PPHLN1: variants seen among roughly 807,000 people sequenced by gnomAD.
PPHLN1 encodes the protein periphilin-1.
A neutral mutation model predicts 51.3 loss-of-function variants in PPHLN1; 29 were observed. The observed-to-expected ratio is 0.57, with a 90% CI of 0.42 to 0.77. PPHLN1 has a LOEUF of 0.77. PPHLN1 is among the 30% of genes least tolerant of loss of function. The pLI is 0.00. For synonymous variants in PPHLN1, 147 were observed against 147.8 expected, an observed-to-expected ratio of 0.99 and a Z score of 0.04; for missense variants, 436 against 438.4, an observed-to-expected ratio of 0.99 and a Z score of 0.05.
intron 9 of PPHLN1, chr12:42,431,967 A>G: frequency 6.8e-7 from 1 of 1,478,314 alleles, no homozygotes; most frequent in Non-Finnish European, 9.5e-7. Context: ...TGCTGGCATC[A>G]GTGTCTGCAG....
downstream of PPHLN1, chr12:42,445,997 G>A (rs180895349): frequency 3.5e-4 from 534 of 1,521,366 alleles, 1 homozygote; most frequent in African/African-American, 6.0e-3. Flanking sequence ...CCAGCACGAC[G>A]CATCAAACCA....
At position 42,330,788 on chromosome 12, in the gene PPHLN1, C is replaced by A. The variant is rs1012897038; in HGVS notation, c.-21+4559C>A. Among the ~76,000 whole-genome samples the A allele has an allele frequency of 2.0e-5, 3 of 152,176 alleles. No individual in the cohort carries two copies. The East Asian group carries it at 5.8e-4, about 29-fold the overall frequency. ...GCAGTGGTGCAATCTTGGCTCGCTG[C>A]AACCTTCGCCTCTCGGGTTCAAGCG... On this transcript the variant is annotated intron_variant, in intron 1 of 9. Transcript: ENST00000358314.
intron 9 of PPHLN1, among the ~76,000 whole-genome samples, chr12:42,437,690 A>G (rs528178139): frequency 5.4e-4 from 83 of 152,312 alleles, no homozygotes; most frequent in African/African-American, 1.8e-3. Context: ...AATATTAACT[A>G]AAGTCCATAG....
At chr12:42,373,385 T>C (rs2075975874) in intron 4 of PPHLN1, among the ~76,000 whole-genome samples, 2 of 152,230 alleles carry the variant, frequency 1.3e-5, no homozygotes, top group Non-Finnish European at 2.9e-5. Flanking sequence ...TTTTCTGCTT[T>C]TTCCCAGGGA....
intron 9 of PPHLN1, among the ~76,000 whole-genome samples, chr12:42,436,235 G>A (rs973072960): frequency 6.6e-6 from 1 of 152,066 alleles, no homozygotes; most frequent in Non-Finnish European, 1.5e-5. Flanking sequence ...GGATGATATC[G>A]ATGGTTTTAG....
intron 3 of PPHLN1, among the ~76,000 whole-genome samples, chr12:42,352,473 G>A (rs1006818572): frequency 4.7e-5 from 7 of 150,502 alleles, no homozygotes; most frequent in African/African-American, 1.5e-4. Context: ...GCAGTGGCGC[G>A]ATCTCGGCTC....
chr12:42,403,797 A>T (rs953530910), intron 9 of PPHLN1, among the ~76,000 whole-genome samples: 1 of 152,216 alleles, frequency 6.6e-6, no homozygotes, highest in Non-Finnish European at 1.5e-5. Context: ...GGTAATCCCC[A>T]TGGCATAAAC....
chr12:42,354,476 C>T (rs1362078763), intron 3 of PPHLN1, among the ~76,000 whole-genome samples: 1 of 152,154 alleles, frequency 6.6e-6, no homozygotes, highest in Non-Finnish European at 1.5e-5. Context: ...TCCTAAAGTG[C>T]TGGAATTACA....
At chr12:42,432,964 T>C in intron 9 of PPHLN1, 2 of 1,460,046 alleles carry the variant, frequency 1.4e-6, no homozygotes, top group East Asian at 4.5e-5. Context: ...AAATTCTGCA[T>C]GCTCCTACTG....
intron 9 of PPHLN1, among the ~76,000 whole-genome samples, chr12:42,440,868 C>T (rs745964157): frequency 2.6e-5 from 4 of 152,196 alleles, no homozygotes; most frequent in Non-Finnish European, 4.4e-5. Context: ...TGTGAGACAC[C>T]GCACCCGGCC....
chr12:42,392,005 T>C (rs901598612), intron 7 of PPHLN1, among the ~76,000 whole-genome samples: 6 of 152,154 alleles, frequency 3.9e-5, no homozygotes, highest in African/African-American at 7.2e-5. Flanking sequence ...TAACCTGAGC[T>C]CAGGAGTTTG....
chr12:42,393,202 G>GAA (rs762961775), intron 7 of PPHLN1, among the ~76,000 whole-genome samples: 28 of 152,138 alleles, frequency 1.8e-4, no homozygotes, highest in Admixed American at 3.9e-4. Flanking sequence ...CTGAAATTTA[G>GAA]ACATTACTTA....
downstream of PPHLN1, chr12:42,447,237 T>A (rs1161130581): frequency 1.3e-5 from 2 of 152,256 alleles, no homozygotes; most frequent in East Asian, 1.9e-4. Context: ...ATTTTTTAAA[T>A]TTTTTTATAG....
chr12:42,380,934 A>T (rs1367979138), intron 5 of PPHLN1, among the ~76,000 whole-genome samples: 1 of 152,182 alleles, frequency 6.6e-6, no homozygotes. Context: ...AGCGAGACAG[A>T]TTCAATCTCT....
At chr12:42,408,613 T>C (rs778145914) in intron 9 of PPHLN1, among the ~76,000 whole-genome samples, 4 of 152,190 alleles carry the variant, frequency 2.6e-5, no homozygotes, top group Non-Finnish European at 5.9e-5. Flanking sequence ...ATAATATGTG[T>C]CTTTGGGAAA....
intron 2 of PPHLN1, among the ~76,000 whole-genome samples, chr12:42,336,232 A>G (rs992239507): frequency 2.0e-5 from 3 of 152,254 alleles, no homozygotes; most frequent in South Asian, 2.1e-4. Flanking sequence ...TAATTTGTGA[A>G]CAAAATTACA....
chr12:42,346,492 A>G (rs947521273), intron 2 of PPHLN1, among the ~76,000 whole-genome samples: 2 of 152,186 alleles, frequency 1.3e-5, no homozygotes, highest in African/African-American at 4.8e-5. Flanking sequence ...TTGTTCATCC[A>G]TAGGAACTTA....
At chr12:42,443,057 A>T, downstream of PPHLN1, 19 of 234,410 alleles carry the variant, frequency 8.1e-5, no homozygotes, top group South Asian at 4.4e-4. Flanking sequence ...TATGGGCCTT[A>T]GTTAAGGCTA....
At chr12:42,430,060 C>T (rs939733075) in intron 9 of PPHLN1, among the ~76,000 whole-genome samples, 3 of 152,236 alleles carry the variant, frequency 2.0e-5, no homozygotes, top group Admixed American at 6.5e-5. Context: ...CCTGGATAGC[C>T]TCTGTTTAGG....
Sources: gnomAD v4.1 joint callset for allele counts (sites outside exome capture counted in the v4.1 genomes callset) on GRCh38, gnomAD v4.1.1 for gene constraint, MANE v1.5 for transcripts, NCBI Gene and HGNC (gene_info 2026-07-23, HGNC 2026-07-21) for gene names.